Variants in EEF1E1 observed in about 807,000 individuals in gnomAD.
EEF1E1 encodes the protein eukaryotic translation elongation factor 1 epsilon-1.
Under a neutral mutation model 19.9 loss-of-function variants are expected in EEF1E1, and 19 were observed. The observed-to-expected ratio is 0.95, with a 90% CI of 0.66 to 1.40. EEF1E1 has a LOEUF of 1.40. Ranked by LOEUF, EEF1E1 falls within the 40% of genes most tolerant of loss-of-function variation. The pLI is 0.00. For missense variants in EEF1E1, 198 were observed against 202.2 expected, an observed-to-expected ratio of 0.98 and a Z score of 0.13; for synonymous variants, 81 against 80.0, an observed-to-expected ratio of 1.01 and a Z score of -0.07.
intron 1 of EEF1E1, chr6:8,101,882 T>C: frequency 7.9e-7 from 1 of 1,265,502 alleles, no homozygotes; most frequent in Non-Finnish European, 1.0e-6. Context: ...GTGTTCTCTC[T>C]GCCATTTATG....
Position 8,097,486 on chromosome 6 carries a change from T to G in EEF1E1, c.88-19A>C, listed in dbSNP as rs1758206487. On this transcript the variant is annotated intron_variant, in intron 1 of 3. Coordinates refer to ENST00000379715, the MANE Select transcript of EEF1E1 (RefSeq NM_004280.5). Reference sequence around the variant, plus strand: ...CTGGAATCTTAAAAAGAAAAAAAAGTTCACAGAATTTAAAAAACAAGGACC... The same window carrying G: ...CTGGAATCTTAAAAAGAAAAAAAAGGTCACAGAATTTAAAAAACAAGGACC... 5 of 1,594,846 alleles carry G rather than the reference T, an allele frequency of 3.1e-6. No individual in the cohort carries two copies. Among genetic ancestry groups the G allele is most frequent in the Non-Finnish European group, 3.4e-6 (4 of 1,169,054 alleles).
downstream of EEF1E1, among the ~76,000 whole-genome samples, chr6:8,077,770 G>C (rs1199730370): frequency 6.6e-6 from 1 of 152,160 alleles, no homozygotes; most frequent in Non-Finnish European, 1.5e-5. Flanking sequence ...TATCATCTGT[G>C]TGTTCACTGG....
In EEF1E1 at chr6:8,079,823, T is replaced by G; in HGVS notation, c.*67A>C. 1.9e-5 allele frequency: 29 copies of G among 1,523,068 alleles called. No individual in the cohort carries two copies. Among genetic ancestry groups the G allele is most frequent in the Non-Finnish European group, 2.6e-5 (29 of 1,130,272 alleles). 94.3% of individuals were successfully genotyped at this position (1,523,068 alleles called of 1,614,324 possible). A position where few individuals can be genotyped will look rare whatever the true frequency, so the allele number is the denominator to read the frequency against. ...ACTGTATATTAATTTACATTAGTCC[T>G]GTGGTCTAGAGTACATTTTCCATTT... On this transcript the variant is annotated 3_prime_UTR_variant, in exon 4 of 4. Transcript: ENST00000379715.
At chr6:8,093,922 T>C (rs1333306107) in intron 2 of EEF1E1, among the ~76,000 whole-genome samples, 5 of 151,926 alleles carry the variant, frequency 3.3e-5, no homozygotes, top group Non-Finnish European at 7.4e-5. Context: ...CTCAGCCTCC[T>C]GAGTAGCTGG....
At chr6:8,095,801 A>C (rs901290677) in intron 2 of EEF1E1, among the ~76,000 whole-genome samples, 8 of 152,310 alleles carry the variant, frequency 5.3e-5, no homozygotes, top group Non-Finnish European at 1.0e-4. Context: ...AAATAGCAAA[A>C]CAAAACAAAT....
intron 1 of EEF1E1, among the ~76,000 whole-genome samples, chr6:8,099,718 G>A (rs905706993): frequency 4.3e-4 from 62 of 144,402 alleles, no homozygotes; most frequent in African/African-American, 1.5e-3. Flanking sequence ...TTGCACTCCA[G>A]CCCGGGCAAC....
chr6:8,094,887 C>T (rs557799528), intron 2 of EEF1E1, among the ~76,000 whole-genome samples: 31 of 152,266 alleles, frequency 2.0e-4, no homozygotes, highest in Admixed American at 1.4e-3. Context: ...GTATTCCCTC[C>T]GCCTTATGAT....
At chr6:8,084,065 T>G (rs1757785484) in intron 3 of EEF1E1, among the ~76,000 whole-genome samples, 1 of 152,230 alleles carries the variant, frequency 6.6e-6, no homozygotes, top group Non-Finnish European at 1.5e-5. Context: ...TGACTCATGA[T>G]AGGAACCCAA....
chr6:8,086,759 C>A (rs1260399162), intron 3 of EEF1E1, among the ~76,000 whole-genome samples: 1 of 152,170 alleles, frequency 6.6e-6, no homozygotes, highest in African/African-American at 2.4e-5. Flanking sequence ...AGAGGAAACT[C>A]CTTGAAAAGC....
At chr6:8,088,565 G>A (rs904346909) in intron 3 of EEF1E1, among the ~76,000 whole-genome samples, 1 of 152,176 alleles carries the variant, frequency 6.6e-6, no homozygotes, top group Non-Finnish European at 1.5e-5. Context: ...ATCCATGTAA[G>A]ACATGACTTG....
At position 8,099,792 on chromosome 6, in the gene EEF1E1, A is replaced by ACAC. The variant is rs1554099745; in HGVS notation, c.88-2326_88-2325insGTG. 1.4e-3 allele frequency among the ~76,000 whole-genome samples: 106 copies of ACAC among 78,474 alleles called. 2 individuals are homozygous for ACAC. The Middle Eastern group carries it at 0.015, about 11-fold the overall frequency. The allele number at this position is 78,474 out of a possible 152,430, so 51.5% of individuals were successfully genotyped here. On this transcript the variant is annotated intron_variant, in intron 1 of 3. Coordinates refer to ENST00000379715, the MANE Select transcript of EEF1E1 (RefSeq NM_004280.5). ...CACACACACACACACACACACACAC[A>ACAC]AAAAAAAAACAGAACCCTCTATAAT...
intron 3 of EEF1E1, among the ~76,000 whole-genome samples, chr6:8,086,545 A>AT (rs1757859326): frequency 6.6e-6 from 1 of 152,158 alleles, no homozygotes; most frequent in African/African-American, 2.4e-5. Context: ...TTATTACGGT[A>AT]TTTTACAGTT....
Position 8,079,623 on chromosome 6 carries a change from T to C in EEF1E1, c.*267A>G, listed in dbSNP as rs2113634838. 1 of 1,110,638 alleles carries C rather than the reference T, an allele frequency of 9.0e-7. No homozygotes were observed. The highest frequency in any genetic ancestry group is 3.8e-5 in the South Asian group (1 of 26,240). 68.8% of individuals were successfully genotyped at this position (1,110,638 alleles called of 1,614,324 possible). A position where few individuals can be genotyped will look rare whatever the true frequency, so the allele number is the denominator to read the frequency against. Reference sequence around the variant, plus strand: ...GATTAAGCCCGATTTGCAACTTTTATTGAAATAAATGTCATCTACTAAAAA... The same window carrying C: ...GATTAAGCCCGATTTGCAACTTTTACTGAAATAAATGTCATCTACTAAAAA... On this transcript the variant is annotated 3_prime_UTR_variant, in exon 4 of 4. Coordinates refer to ENST00000379715, the MANE Select transcript of EEF1E1 (RefSeq NM_004280.5).
intron 2 of EEF1E1, among the ~76,000 whole-genome samples, chr6:8,094,908 ATAT>A (rs1758123735): frequency 6.6e-6 from 1 of 152,168 alleles, no homozygotes; most frequent in Admixed American, 6.5e-5. Flanking sequence ...TTTCTTAATA[ATAT>A]TCTTTTCTCT....
downstream of EEF1E1, among the ~76,000 whole-genome samples, chr6:8,077,316 C>T (rs1330094140): frequency 6.6e-6 from 1 of 152,186 alleles, no homozygotes; most frequent in Non-Finnish European, 1.5e-5. Flanking sequence ...CTTCAAGTCA[C>T]CAGCTGCATT....
chr6:8,096,991 T>C (rs1242912135), intron 2 of EEF1E1, among the ~76,000 whole-genome samples: 1 of 152,210 alleles, frequency 6.6e-6, no homozygotes, highest in Non-Finnish European at 1.5e-5. Context: ...ACAAGGGTCC[T>C]GAAGGAAAAG....
chr6:8,099,929 A>G (rs1318347908), intron 1 of EEF1E1, among the ~76,000 whole-genome samples: 2 of 151,436 alleles, frequency 1.3e-5, no homozygotes, highest in African/African-American at 4.9e-5. Flanking sequence ...TAAAGAATCA[A>G]TATCCTAGAT....
intron 1 of EEF1E1, among the ~76,000 whole-genome samples, chr6:8,100,017 C>A (rs777750569): frequency 1.3e-5 from 2 of 152,170 alleles, no homozygotes; most frequent in African/African-American, 4.8e-5. Context: ...TGGCTCACTG[C>A]TGTCAGCTGT....
intron 1 of EEF1E1, 141 bp downstream of exon 1, chr6:8,102,294 G>A: frequency 1.0e-6 from 1 of 996,638 alleles, no homozygotes; most frequent in Non-Finnish European, 1.4e-6. Flanking sequence ...GCGCCAGCCG[G>A]CTAGCGGCGC....
Sources: allele counts gnomAD v4.1 joint callset (sites outside exome capture counted in the v4.1 genomes callset), GRCh38; gene constraint gnomAD v4.1.1; transcripts MANE v1.5; gene names NCBI Gene and HGNC (gene_info 2026-07-23, HGNC 2026-07-21).